YIPF4: variants seen among roughly 807,000 people sequenced by gnomAD.
YIPF4 encodes protein YIPF4.
In YIPF4, 18 loss-of-function variants were observed where a neutral mutation model predicts 29.4. The ratio of observed to expected loss-of-function variants is 0.61; its 90% CI spans 0.42 to 0.91. The LOEUF (loss-of-function observed/expected upper bound fraction) is 0.91, where lower values mean the gene tolerates loss of function less well. YIPF4 is among the 40% of genes least tolerant of loss of function. YIPF4 has a pLI of 0.00. For missense variants in YIPF4, 279 were observed against 282.7 expected, an observed-to-expected ratio of 0.99 and a Z score of 0.09; for synonymous variants, 115 against 104.7, an observed-to-expected ratio of 1.10 and a Z score of -0.60.
In YIPF4 at chr2:32,306,094, A is replaced by G; in HGVS notation, c.*468A>G. On this transcript the variant is annotated 3_prime_UTR_variant, in exon 6 of 6. Coordinates refer to ENST00000238831, the MANE Select transcript of YIPF4 (RefSeq NM_032312.4). Reference sequence around the variant, plus strand: ...TTATGAAATAATTCTTACTCACAAAATATATTTCTGATAAACATTAAGATA... The same window carrying G: ...TTATGAAATAATTCTTACTCACAAAGTATATTTCTGATAAACATTAAGATA... The G allele has an allele frequency of 1.3e-6, 1 of 792,080 alleles. No homozygotes were observed. Among genetic ancestry groups the G allele is most frequent in the Non-Finnish European group, 1.5e-6 (1 of 654,192 alleles). The allele number at this position is 792,080 out of a possible 1,614,324, so 49.1% of individuals were successfully genotyped here.
rs1312146394 is a variant in YIPF4 at position 32,278,066 on chromosome 2, G to A, written c.-90G>A. On this transcript the variant is annotated 5_prime_UTR_variant, in exon 1 of 6. Transcript: ENST00000238831. ...TCGAGACTCGTAGGCCGCACCGTAG[G>A]GCGAGCGTGCGGGTCGCCGCCGCGG... 1 of 1,164,126 alleles carries A rather than the reference G, an allele frequency of 8.6e-7. No individual in the cohort carries two copies. Among genetic ancestry groups the A allele is most frequent in the Non-Finnish European group, 1.2e-6 (1 of 834,594 alleles). 72.1% of individuals were successfully genotyped at this position (1,164,126 alleles called of 1,614,324 possible). A position where few individuals can be genotyped will look rare whatever the true frequency, so the allele number is the denominator to read the frequency against.
intron 1 of YIPF4, among the ~76,000 whole-genome samples, chr2:32,288,508 G>A (rs72798728): frequency 1.3e-5 from 2 of 151,966 alleles, no homozygotes; most frequent in African/African-American, 4.8e-5. Flanking sequence ...TCTTCTTCTT[G>A]TTAAGAAAAA....
intron 1 of YIPF4, among the ~76,000 whole-genome samples, chr2:32,282,571 T>A (rs567856736): frequency 6.6e-6 from 1 of 152,192 alleles, no homozygotes; most frequent in African/African-American, 2.4e-5. Flanking sequence ...TAGCTGGGAT[T>A]ACAGGCTCGC....
At position 32,278,241 on chromosome 2, in the gene YIPF4, C is replaced by A; in HGVS notation, c.79+7C>A. On this transcript the variant is annotated splice_region_variant and intron_variant, in intron 1 of 5. Transcript: ENST00000238831. ...TCCTCAGCAGACGCGGAAGGTGAGG[C>A]TGAGCCCCTGGAAGGGCTATCACCC... The A allele has an allele frequency of 6.4e-7, 1 of 1,554,044 alleles. No homozygotes were observed. The highest frequency in any genetic ancestry group is 8.7e-7 in the Non-Finnish European group (1 of 1,149,544).
intron 3 of YIPF4, among the ~76,000 whole-genome samples, chr2:32,296,887 G>A (rs1167057274): frequency 1.3e-5 from 2 of 152,168 alleles, no homozygotes; most frequent in African/African-American, 4.8e-5. Context: ...TTTACAGAAT[G>A]ATGATTTTTC....
intron 5 of YIPF4, among the ~76,000 whole-genome samples, chr2:32,303,584 G>T (rs2031478632): frequency 2.0e-5 from 3 of 152,164 alleles, no homozygotes; most frequent in Admixed American, 6.6e-5. Context: ...TACTCAGGAG[G>T]CTGAGATGGG....
Position 32,280,264 on chromosome 2 carries a change from A to G in YIPF4, c.79+2030A>G, listed in dbSNP as rs868024798. 3.2e-4 allele frequency among the ~76,000 whole-genome samples: 48 copies of G among 150,458 alleles called. 1 individual carries two copies. Among genetic ancestry groups the G allele is most frequent in the African/African-American group, 1.1e-3 (46 of 40,712 alleles). The stretch of plus-strand genomic sequence containing the variant: ...TGCCTCAGCCTCCCGAGTAGCTGGA[A>G]CTACAGGTGCCAGCCACCACACCCA... On this transcript the variant is annotated intron_variant, in intron 1 of 5. Transcript: ENST00000238831.
At chr2:32,281,218 A>C (rs2148956884) in intron 1 of YIPF4, among the ~76,000 whole-genome samples, 1 of 151,900 alleles carries the variant, frequency 6.6e-6, no homozygotes, top group Non-Finnish European at 1.5e-5. Flanking sequence ...GAGTATTTTA[A>C]GTATACTACT....
Position 32,307,188 on chromosome 2 carries a change from A to G in YIPF4, c.*1562A>G, listed in dbSNP as rs1311050413. 3.2e-6 allele frequency: 4 copies of G among 1,237,002 alleles called. No individual in the cohort carries two copies. The highest frequency in any genetic ancestry group is 3.2e-5 in the African/African-American group (2 of 62,914). The allele number at this position is 1,237,002 out of a possible 1,614,324, so 76.6% of individuals were successfully genotyped here. ...AATATCTATGCCTACAGAAGCAGCA[A>G]CCGTAAGATAAACATTTGTTACACT... On this transcript the variant is annotated 3_prime_UTR_variant, in exon 6 of 6. Transcript: ENST00000238831.
chr2:32,297,157 T>A (rs1037050669), intron 3 of YIPF4, among the ~76,000 whole-genome samples: 1 of 151,858 alleles, frequency 6.6e-6, no homozygotes, highest in African/African-American at 2.4e-5. Context: ...GGTGTTTCAC[T>A]CTTGTCGCTC....
Position 32,278,203 on chromosome 2 carries a change from C to A in YIPF4, c.48C>A (p.Asp16Glu), listed in dbSNP as rs770486796. ...CGGCCTATGCCCCCACTAACGGGGA[C>A]TTCACCTTTGTCTCCTCAGCAGACG... ...PPPAYAPTNGDFTFVSSADAE... is the reference protein window; with the variant it reads ...PPPAYAPTNGEFTFVSSADAE... Residue 16 changes from aspartate to glutamate, a missense_variant, in exon 1 of 6, where the codon GAC becomes GAA. Asp to Glu is a conservative substitution (Grantham distance 45). Transcript: ENST00000238831. 1 of 1,573,060 alleles carries A rather than the reference C, an allele frequency of 6.4e-7. No individual in the cohort carries two copies.
At chr2:32,292,400 A>C (rs1181871601) in intron 3 of YIPF4, 52 bp downstream of exon 3, 1 of 1,279,804 alleles carries the variant, frequency 7.8e-7, no homozygotes, top group African/African-American at 1.5e-5. Context: ...AGTTTCAAAA[A>C]TTAAATATAA....
At chr2:32,287,138 G>C (rs1023819766) in intron 1 of YIPF4, among the ~76,000 whole-genome samples, 2 of 152,176 alleles carry the variant, frequency 1.3e-5, no homozygotes, top group South Asian at 4.2e-4. Context: ...CCAGCTACTC[G>C]AGAGGCTGAG....
In YIPF4 at chr2:32,301,537, A is replaced by G. The variant is rs369003376; in HGVS notation, c.597+42A>G. 1.7e-5 allele frequency: 24 copies of G among 1,379,518 alleles called. No homozygotes were observed. In the African/African-American group the frequency reaches 2.4e-4, roughly 14 times the overall value. 85.5% of individuals were successfully genotyped at this position (1,379,518 alleles called of 1,614,324 possible). A position where few individuals can be genotyped will look rare whatever the true frequency, so the allele number is the denominator to read the frequency against. On this transcript the variant is annotated intron_variant, in intron 5 of 5. Coordinates refer to ENST00000238831, the MANE Select transcript of YIPF4 (RefSeq NM_032312.4). ...GTATTACATAGTTTACTGTTTTCCA[A>G]TGTCAAAAGTATACTAGGCCTCTAG...
chr2:32,300,457 A>G (rs952398627), intron 4 of YIPF4, among the ~76,000 whole-genome samples: 50 of 148,650 alleles, frequency 3.4e-4, no homozygotes, highest in African/African-American at 1.1e-3. Flanking sequence ...AAAAAAAAAG[A>G]GTTTCTTTTA....
chr2:32,286,087 C>G (rs1003240632), intron 1 of YIPF4, among the ~76,000 whole-genome samples: 1 of 152,110 alleles, frequency 6.6e-6, no homozygotes, highest in Admixed American at 6.6e-5. Flanking sequence ...ATTAATTAAT[C>G]TACTTATTTG....
chr2:32,303,293 G>A (rs1269147881), intron 5 of YIPF4, among the ~76,000 whole-genome samples: 3 of 152,210 alleles, frequency 2.0e-5, no homozygotes, highest in South Asian at 2.1e-4. Flanking sequence ...CCATGAGGCC[G>A]TGGCTGTAGT....
intron 4 of YIPF4, among the ~76,000 whole-genome samples, chr2:32,299,258 T>A (rs948189843): frequency 1.3e-5 from 2 of 152,180 alleles, no homozygotes; most frequent in Non-Finnish European, 2.9e-5. Flanking sequence ...CATTTTAACA[T>A]AAACAATACA....
chr2:32,289,309 A>G (rs1462451673), intron 1 of YIPF4, among the ~76,000 whole-genome samples: 8 of 152,212 alleles, frequency 5.3e-5, no homozygotes, highest in African/African-American at 1.4e-4. Flanking sequence ...GAATGTAAAC[A>G]TTTGTCAAAC....
Sources: gnomAD v4.1 joint callset for allele counts (sites outside exome capture counted in the v4.1 genomes callset) on GRCh38, gnomAD v4.1.1 for gene constraint, MANE v1.5 for transcripts, NCBI Gene and HGNC (gene_info 2026-07-23, HGNC 2026-07-21) for gene names.